The following PSTPIP2 variants were observed in gnomAD, a reference collection of about 807,000 sequenced individuals.
PSTPIP2 encodes the protein proline-serine-threonine phosphatase interacting protein 2.
In PSTPIP2, 33 loss-of-function variants were observed where a neutral mutation model predicts 63.3. The observed-to-expected ratio is 0.52, with a 90% CI of 0.40 to 0.70. The LOEUF is 0.70. PSTPIP2 is among the 30% of genes least tolerant of loss of function. The pLI is 0.00. For missense variants in PSTPIP2, 312 were observed against 400.7 expected, an observed-to-expected ratio of 0.78 and a Z score of 1.89; for synonymous variants, 125 against 132.7, an observed-to-expected ratio of 0.94 and a Z score of 0.40.
intron 1 of PSTPIP2, among the ~76,000 whole-genome samples, chr18:46,041,672 A>G (rs948275174): frequency 3.3e-5 from 5 of 152,142 alleles, no homozygotes; most frequent in African/African-American, 1.2e-4. Context: ...CAAGTCCCCA[A>G]ACCAACAAAT....
rs368209962 is a variant in PSTPIP2 at position 45,988,875 on chromosome 18, G to A, written c.956-116C>T. 9 of 811,594 alleles carry A rather than the reference G, an allele frequency of 1.1e-5. No homozygotes were observed. In the African/African-American group the frequency reaches 1.2e-4, roughly 11 times the overall value. 50.3% of individuals were successfully genotyped at this position (811,594 alleles called of 1,614,324 possible). ...ATTCTGGTGTCTATCCTTTTGTAAA[G>A]AGAAAATAGATCTGCCAACAAAAAC... On this transcript the variant is annotated intron_variant, in intron 13 of 14. Coordinates refer to ENST00000409746, the MANE Select transcript of PSTPIP2 (RefSeq NM_024430.4).
At chr18:46,034,262 A>T (rs1009274259) in intron 2 of PSTPIP2, among the ~76,000 whole-genome samples, 2 of 152,184 alleles carry the variant, frequency 1.3e-5, no homozygotes, top group African/African-American at 4.8e-5. Context: ...AATTCTGGGC[A>T]TAAAGGTGTT....
intron 5 of PSTPIP2, among the ~76,000 whole-genome samples, chr18:46,009,455 T>G (rs914791265): frequency 2.0e-5 from 3 of 150,156 alleles, no homozygotes; most frequent in African/African-American, 7.4e-5. Flanking sequence ...TACAATTTTA[T>G]TAATAAAATG....
At chr18:46,057,377 G>T (rs1373765851) in intron 1 of PSTPIP2, among the ~76,000 whole-genome samples, 3 of 151,418 alleles carry the variant, frequency 2.0e-5, no homozygotes, top group Non-Finnish European at 4.4e-5. Context: ...ACCCAGGCTG[G>T]AGTACAATGG....
At chr18:45,990,595 A>C in intron 13 of PSTPIP2, 127 bp downstream of exon 13, 2 of 724,684 alleles carry the variant, frequency 2.8e-6, no homozygotes, top group Non-Finnish European at 4.5e-6. Context: ...ACACCCAGCT[A>C]ATTTTTGTAT....
intron 1 of PSTPIP2, among the ~76,000 whole-genome samples, chr18:46,064,282 C>CTTTTTTTTTTTTTTTTTTTT (rs56236802): frequency 1.4e-5 from 1 of 71,526 alleles, no homozygotes; most frequent in African/African-American, 6.5e-5. Flanking sequence ...CTTTTTCTTT[C>CTTTTTTTTTTTTTTTTTTTT]TTTTTTTTTT....
intron 3 of PSTPIP2, among the ~76,000 whole-genome samples, chr18:46,023,233 T>A (rs931533009): frequency 1.3e-5 from 2 of 152,206 alleles, no homozygotes; most frequent in African/African-American, 4.8e-5. Context: ...TTTACCTATA[T>A]AACAAACCTG....
intron 2 of PSTPIP2, among the ~76,000 whole-genome samples, chr18:46,035,419 TAA>T (rs35711872): frequency 6.3e-5 from 2 of 31,776 alleles, no homozygotes; most frequent in African/African-American, 5.4e-5. Flanking sequence ...GACTCTGTCT[TAA>T]AAAAAAAAAA....
chr18:45,992,208 A>T lies in PSTPIP2; in HGVS notation c.742-6T>A, dbSNP rs751442746. The stretch of plus-strand genomic sequence containing the variant: ...TTTCGGACTTGTTCGTACATCTAAT[A>T]AAAAAAGGTCAATTAATAGGTAGAG... On this transcript the variant is annotated splice_polypyrimidine_tract_variant and splice_region_variant and intron_variant, in intron 10 of 14. Coordinates refer to ENST00000409746, the MANE Select transcript of PSTPIP2 (RefSeq NM_024430.4). The T allele has an allele frequency of 5.8e-6, 9 of 1,558,522 alleles. No homozygotes were observed. The highest frequency in any genetic ancestry group is 7.8e-6 in the Non-Finnish European group (9 of 1,154,902).
intron 3 of PSTPIP2, among the ~76,000 whole-genome samples, chr18:46,017,686 C>G (rs146247277): frequency 2.6e-5 from 4 of 151,818 alleles, no homozygotes; most frequent in Non-Finnish European, 4.4e-5. Flanking sequence ...CAAAATGATG[C>G]TTTGAAATAT....
chr18:46,002,189 GGTATGGA>G (rs1456693619), intron 6 of PSTPIP2, among the ~76,000 whole-genome samples: 1 of 152,056 alleles, frequency 6.6e-6, no homozygotes, highest in Non-Finnish European at 1.5e-5. Context: ...TATATGTCTT[GGTATGGA>G]TTTCTTTGGG....
At chr18:46,055,889 A>G (rs1908739105) in intron 1 of PSTPIP2, among the ~76,000 whole-genome samples, 1 of 152,230 alleles carries the variant, frequency 6.6e-6, no homozygotes, top group African/African-American at 2.4e-5. Context: ...ATCACTTTTA[A>G]AAGAGGATTA....
chr18:46,039,608 C>T (rs1908113705), intron 2 of PSTPIP2, among the ~76,000 whole-genome samples: 1 of 152,014 alleles, frequency 6.6e-6, no homozygotes, highest in Admixed American at 6.6e-5. Flanking sequence ...TTTTCCTTCC[C>T]TCTCCTTTCC....
At chr18:46,002,028 C>A (rs1019067154) in intron 6 of PSTPIP2, among the ~76,000 whole-genome samples, 12 of 152,158 alleles carry the variant, frequency 7.9e-5, no homozygotes, top group Non-Finnish European at 1.5e-4. Flanking sequence ...GTTAACAGTT[C>A]TTTTCTTTCA....
intron 5 of PSTPIP2, among the ~76,000 whole-genome samples, chr18:46,006,229 C>T (rs1236238429): frequency 6.6e-6 from 1 of 151,760 alleles, no homozygotes; most frequent in African/African-American, 2.4e-5. Flanking sequence ...AATTTTTGCA[C>T]TTTTAGTAGA....
intron 1 of PSTPIP2, among the ~76,000 whole-genome samples, chr18:46,043,756 A>G (rs1908278577): frequency 6.6e-6 from 1 of 152,250 alleles, no homozygotes; most frequent in Non-Finnish European, 1.5e-5. Flanking sequence ...AAATTCTAAG[A>G]AGTTTACAAA....
chr18:46,001,385 T>C (rs958948312), intron 6 of PSTPIP2, among the ~76,000 whole-genome samples: 6 of 152,232 alleles, frequency 3.9e-5, no homozygotes, highest in African/African-American at 1.2e-4. Context: ...TTGCCATTTG[T>C]ATGTCTTCTT....
intron 6 of PSTPIP2, among the ~76,000 whole-genome samples, chr18:46,002,581 A>T (rs558827547): frequency 6.6e-6 from 1 of 152,136 alleles, no homozygotes; most frequent in South Asian, 2.1e-4. Context: ...TAAAATTTCC[A>T]TTTGGTTCAT....
At chr18:46,019,389 T>C (rs6507662) in intron 3 of PSTPIP2, among the ~76,000 whole-genome samples, 38,733 of 152,140 alleles carry the variant, frequency 0.25, 6,076 homozygotes, top group East Asian at 0.42. Context: ...TTTTCTCACA[T>C]GAACATTTGC....
Sources: allele counts gnomAD v4.1 joint callset (sites outside exome capture counted in the v4.1 genomes callset), GRCh38; gene constraint gnomAD v4.1.1; transcripts MANE v1.5; gene names NCBI Gene and HGNC (gene_info 2026-07-23, HGNC 2026-07-21).